CSNK1G2: variants seen among roughly 807,000 people sequenced by gnomAD.
CSNK1G2 encodes casein kinase I isoform gamma-2.
A neutral mutation model predicts 48.0 loss-of-function variants in CSNK1G2; 11 were observed. The ratio of observed to expected loss-of-function variants is 0.23; its 90% CI spans 0.14 to 0.38. The LOEUF is 0.38. CSNK1G2 is among the 10% of genes least tolerant of loss of function. The pLI, the probability that CSNK1G2 is intolerant of heterozygous loss-of-function variation, is 1.00. For missense variants in CSNK1G2, 446 were observed against 595.5 expected, an observed-to-expected ratio of 0.75 and a Z score of 2.61; for synonymous variants, 337 against 254.1, an observed-to-expected ratio of 1.33 and a Z score of -3.10.
chr19:1,977,778 G>T (rs1173644165), intron 2 of CSNK1G2, among the ~76,000 whole-genome samples: 1 of 151,428 alleles, frequency 6.6e-6, no homozygotes, highest in African/African-American at 2.4e-5. Context: ...AAAGGTTCTG[G>T]GCCTCGTACC....
At chr19:1,975,657 T>C (rs969664166) in intron 2 of CSNK1G2, 1 of 985,330 alleles carries the variant, frequency 1.0e-6, no homozygotes, top group Non-Finnish European at 1.2e-6. Flanking sequence ...GACACGCAAA[T>C]GCTGGACTGA....
rs1043846045 is a variant in CSNK1G2 at position 1,979,306 on chromosome 19, C to A, written c.769-13C>A. ...CGCAGGGCGGGAGCAAGGCTGACCA[C>A]AGACCCCCGCAGGCCGACACGCTCA... is the stretch of plus-strand genomic sequence containing the variant. On this transcript the variant is annotated splice_polypyrimidine_tract_variant and intron_variant, in intron 7 of 11. Transcript: ENST00000255641. The A allele has an allele frequency of 6.3e-7, 1 of 1,593,320 alleles. No homozygotes were observed. The highest frequency in any genetic ancestry group is 8.5e-7 in the Non-Finnish European group (1 of 1,171,470).
intron 1 of CSNK1G2, among the ~76,000 whole-genome samples, chr19:1,959,026 G>C (rs976291027): frequency 6.7e-6 from 1 of 149,252 alleles, no homozygotes; most frequent in Non-Finnish European, 1.5e-5. Context: ...ATCTCCATCT[G>C]CTCCCAGGGT....
At chr19:1,967,623 G>A (rs1001389937) in intron 1 of CSNK1G2, among the ~76,000 whole-genome samples, 4 of 152,164 alleles carry the variant, frequency 2.6e-5, no homozygotes, top group East Asian at 1.9e-4. Flanking sequence ...TGCACCACCC[G>A]AGCGTCCAGT....
chr19:1,968,351 TG>T (rs1285975580), intron 1 of CSNK1G2, among the ~76,000 whole-genome samples: 4 of 143,186 alleles, frequency 2.8e-5, no homozygotes. Context: ...GTTCTGCAGG[TG>T]GGGCTCCTCC....
Position 1,957,869 on chromosome 19 carries a change from C to T in CSNK1G2, c.-265-11639C>T, listed in dbSNP as rs558454180. Among the ~76,000 whole-genome samples the T allele has an allele frequency of 3.1e-4, 47 of 151,890 alleles. No individual in the cohort carries two copies. The highest frequency in any genetic ancestry group is 1.1e-3 in the African/African-American group (45 of 41,418). ...GCGCCGTTTATGTGGGGTGGGCGCT[C>T]GGCGGGCACTGTGTGTGTGGCACGG... On this transcript the variant is annotated intron_variant, in intron 1 of 11. Transcript: ENST00000255641. This position sits in a 1 kb window ranked among gnomAD's most constrained non-coding sequence, Gnocchi z 5.4.
At chr19:1,977,014 C>T (rs2015780882) in intron 2 of CSNK1G2, among the ~76,000 whole-genome samples, 2 of 152,218 alleles carry the variant, frequency 1.3e-5, no homozygotes, top group Admixed American at 6.5e-5. Context: ...GCTGGGATTA[C>T]AGGCATAAGC....
intron 1 of CSNK1G2, among the ~76,000 whole-genome samples, chr19:1,950,082 C>G (rs894429459): frequency 2.0e-5 from 3 of 152,126 alleles, no homozygotes; most frequent in Admixed American, 6.5e-5. Context: ...TGGCCCTGGC[C>G]TTTCGAGGCC....
Position 1,969,918 on chromosome 19 carries a change from G to A in CSNK1G2, c.146G>A (p.Gly49Asp). 7.6e-7 allele frequency: 1 copy of A among 1,311,962 alleles called. No individual in the cohort carries two copies. 81.3% of individuals were successfully genotyped at this position (1,311,962 alleles called of 1,614,324 possible). A position where few individuals can be genotyped will look rare whatever the true frequency, so the allele number is the denominator to read the frequency against. Residue 49 changes from glycine (G) to aspartate (D), a missense_variant, in exon 2 of 12, where the codon GGC becomes GAC. By Grantham distance (94) the Gly-to-Asp change is moderately conservative. This residue lies in a region of CSNK1G2 where 258 missense variants were observed against 415.9 expected (regional missense o/e 0.62). Coordinates refer to ENST00000255641, the MANE Select transcript of CSNK1G2 (RefSeq NM_001319.7). ...VLMVGPNFRV[G>D]KKIGCGNFGE... is the part of the protein sequence containing the mutation. ...ATGGTGGGCCCCAACTTCCGCGTCG[G>A]CAAGAAGATCGGCTGCGGCAACTTC...
chr19:1,947,935 C>T (rs1042279740), intron 1 of CSNK1G2, among the ~76,000 whole-genome samples: 1 of 138,446 alleles, frequency 7.2e-6, no homozygotes, highest in Non-Finnish European at 1.5e-5. Context: ...GGTGTGGTGA[C>T]GTCCTGGGGC....
chr19:1,953,901 C>T (rs372947735), intron 1 of CSNK1G2: 33 of 534,130 alleles, frequency 6.2e-5, no homozygotes, highest in African/African-American at 5.8e-4. Context: ...TCTCAGAGGC[C>T]GGCTGTCCTC....
At chr19:1,973,365 T>C (rs769430119) in intron 2 of CSNK1G2, among the ~76,000 whole-genome samples, 1 of 151,880 alleles carries the variant, frequency 6.6e-6, no homozygotes, top group East Asian at 1.9e-4. Flanking sequence ...AGATTACAGG[T>C]GCCTGCCACC....
At chr19:1,966,047 C>T (rs915483430) in intron 1 of CSNK1G2, among the ~76,000 whole-genome samples, 1 of 152,214 alleles carries the variant, frequency 6.6e-6, no homozygotes, top group Non-Finnish European at 1.5e-5. Context: ...AGTCTGCCTG[C>T]GTCAGCCTCC....
At chr19:1,952,350 T>G (rs1319615006) in intron 1 of CSNK1G2, among the ~76,000 whole-genome samples, 1 of 149,892 alleles carries the variant, frequency 6.7e-6, no homozygotes, top group African/African-American at 2.5e-5. Context: ...TGAGACAGAG[T>G]CTTGCTCTGT....
In CSNK1G2 at chr19:1,980,620, G is replaced by A. The variant is rs368395918; in HGVS notation, c.*417G>A. On this transcript the variant is annotated 3_prime_UTR_variant, in exon 12 of 12. Transcript: ENST00000255641. ...TCATAAAGTCCAGCTTGTCTCCCTC[G>A]ATCCAAAGGCCGTTTTCTCGAGGGG... 1 of 231,580 alleles carries A rather than the reference G, an allele frequency of 4.3e-6. No individual in the cohort carries two copies. The highest frequency in any genetic ancestry group is 1.4e-4 in the East Asian group (1 of 7,092). 14.3% of individuals were successfully genotyped at this position (231,580 alleles called of 1,614,324 possible).
At chr19:1,948,098 G>A (rs994504329) in intron 1 of CSNK1G2, among the ~76,000 whole-genome samples, 14 of 152,242 alleles carry the variant, frequency 9.2e-5, no homozygotes, top group Admixed American at 1.3e-4. Flanking sequence ...TTCGGGGGGC[G>A]GCCCCGCCCT....
At chr19:1,954,212 GC>G (rs2014897230) in intron 1 of CSNK1G2, 2 of 355,556 alleles carry the variant, frequency 5.6e-6, no homozygotes, top group Non-Finnish European at 1.1e-5. Flanking sequence ...TGTGGAGGGC[GC>G]CCTTCCGTCT....
chr19:1,974,991 CCAGGAGTCTG>C, intron 2 of CSNK1G2: 1 of 903,126 alleles, frequency 1.1e-6, no homozygotes, highest in Non-Finnish European at 1.3e-6. Context: ...CCGACCTCCT[CCAGGAGTCTG>C]CAGATCCACA....
intron 1 of CSNK1G2, among the ~76,000 whole-genome samples, chr19:1,950,957 C>T (rs1299127289): frequency 6.8e-6 from 1 of 146,064 alleles, no homozygotes; most frequent in Non-Finnish European, 1.5e-5. Context: ...CTGGGTGATC[C>T]CCGTGCCCAG....
Sources: allele counts gnomAD v4.1 joint callset (sites outside exome capture counted in the v4.1 genomes callset), GRCh38; gene constraint gnomAD v4.1.1; regional missense constraint gnomAD v4.1.1; non-coding constraint Gnocchi (gnomAD v3.1); transcripts MANE v1.5; gene names NCBI Gene and HGNC (gene_info 2026-07-23, HGNC 2026-07-21).